Variants in TBC1D32 observed in about 807,000 individuals in gnomAD.
TBC1D32 encodes TBC1 domain family member 32, also known as protein broad-minded.
Under a neutral mutation model 170.3 loss-of-function variants are expected in TBC1D32, and 151 were observed. The ratio of observed to expected loss-of-function variants is 0.89; its 90% CI spans 0.78 to 1.01. The LOEUF (loss-of-function observed/expected upper bound fraction) is 1.01. Ranked by LOEUF, TBC1D32 falls within the 50% of genes least tolerant of loss-of-function variation. The pLI, the probability that TBC1D32 is intolerant of heterozygous loss-of-function variation, is 0.00. For missense variants in TBC1D32, 1,464 were observed against 1,457.1 expected (o/e 1.00, Z -0.08); for synonymous variants, 498 against 488.0 (o/e 1.02, Z -0.27).
At chr6:121,129,670 G>A (rs1049003749) in intron 25 of TBC1D32, among the ~76,000 whole-genome samples, 6 of 152,124 alleles carry the variant, frequency 3.9e-5, no homozygotes, top group Non-Finnish European at 5.9e-5. Context: ...ACTTAAAGTA[G>A]TGGCAGAAGA....
intron 24 of TBC1D32, among the ~76,000 whole-genome samples, chr6:121,153,065 T>C (rs1262838012): frequency 6.6e-6 from 1 of 152,194 alleles, no homozygotes; most frequent in Non-Finnish European, 1.5e-5. Flanking sequence ...TGTAATCCTT[T>C]GCAGGAGAAA....
chr6:121,194,377 A>C (rs1003011575), intron 22 of TBC1D32, among the ~76,000 whole-genome samples: 1 of 152,134 alleles, frequency 6.6e-6, no homozygotes, highest in African/African-American at 2.4e-5. Flanking sequence ...TAAATCAAAA[A>C]CAGTATCACA....
chr6:121,188,589 C>G (rs1185306281), intron 22 of TBC1D32, among the ~76,000 whole-genome samples: 2 of 151,964 alleles, frequency 1.3e-5, no homozygotes, highest in Admixed American at 6.6e-5. Flanking sequence ...ATAGTGTAAG[C>G]GTGTTATTTT....
At chr6:121,203,549 CT>C (rs1418935096) in intron 22 of TBC1D32, among the ~76,000 whole-genome samples, 3 of 151,374 alleles carry the variant, frequency 2.0e-5, no homozygotes, top group Non-Finnish European at 2.9e-5. Flanking sequence ...GCTATTAGAA[CT>C]ATTAATACTA....
intron 24 of TBC1D32, among the ~76,000 whole-genome samples, chr6:121,138,405 T>C (rs1286614739): frequency 6.6e-6 from 1 of 152,186 alleles, no homozygotes; most frequent in Non-Finnish European, 1.5e-5. Flanking sequence ...TAGTAGAAGA[T>C]CTATTTTCTC....
intron 19 of TBC1D32, among the ~76,000 whole-genome samples, chr6:121,239,549 A>T (rs2128357096): frequency 6.6e-6 from 1 of 152,262 alleles, no homozygotes; most frequent in East Asian, 1.9e-4. Context: ...AAAGTAAGGC[A>T]GTCTGAAATC....
At chr6:121,240,571 G>A (rs1796845907) in intron 19 of TBC1D32, among the ~76,000 whole-genome samples, 1 of 151,550 alleles carries the variant, frequency 6.6e-6, no homozygotes, top group African/African-American at 2.4e-5. Flanking sequence ...ATTATATATT[G>A]TTCAGAGCTC....
intron 26 of TBC1D32, among the ~76,000 whole-genome samples, chr6:121,119,958 G>C (rs1582849705): frequency 6.6e-6 from 1 of 151,954 alleles, no homozygotes; most frequent in Non-Finnish European, 1.5e-5. Flanking sequence ...TCCAGTATTT[G>C]TTTTAAAACA....
chr6:121,281,066 T>C (rs1361031887), intron 14 of TBC1D32, among the ~76,000 whole-genome samples: 1 of 151,814 alleles, frequency 6.6e-6, no homozygotes, highest in Admixed American at 6.6e-5. Flanking sequence ...AGGGAATATA[T>C]TGTGCAAACT....
chr6:121,241,240 A>G (rs1796944779), intron 19 of TBC1D32, among the ~76,000 whole-genome samples: 1 of 152,200 alleles, frequency 6.6e-6, no homozygotes, highest in Admixed American at 6.5e-5. Context: ...AGGCAACAGA[A>G]CAAGGTTGTA....
intron 18 of TBC1D32, 143 bp downstream of exon 18, chr6:121,242,058 A>T (rs1797052432): frequency 1.2e-6 from 1 of 806,646 alleles, no homozygotes; most frequent in Admixed American, 3.4e-5. Context: ...TCCTAAAAAA[A>T]AATCAAGTTG....
chr6:121,095,466 T>G (rs1777288889), intron 30 of TBC1D32, among the ~76,000 whole-genome samples: 1 of 152,160 alleles, frequency 6.6e-6, no homozygotes. Flanking sequence ...CTTCCAACAC[T>G]ATGTTGAATA....
chr6:121,188,735 C>T (rs1293300026), intron 22 of TBC1D32, among the ~76,000 whole-genome samples: 1 of 152,044 alleles, frequency 6.6e-6, no homozygotes, highest in Non-Finnish European at 1.5e-5. Context: ...AAAAACCTTC[C>T]CATACTTTTT....
intron 11 of TBC1D32, 42 bp downstream of exon 11, chr6:121,294,528 T>C: frequency 6.9e-7 from 1 of 1,454,742 alleles, no homozygotes; most frequent in Non-Finnish European, 9.4e-7. Context: ...CTAATAAAAT[T>C]TACCATTTTT....
At chr6:121,176,131 A>G (rs1037897971) in intron 22 of TBC1D32, among the ~76,000 whole-genome samples, 1 of 152,226 alleles carries the variant, frequency 6.6e-6, no homozygotes, top group African/African-American at 2.4e-5. Context: ...AATGGATACT[A>G]CTAAAACAAG....
intron 27 of TBC1D32, among the ~76,000 whole-genome samples, chr6:121,114,293 C>A (rs2128199672): frequency 6.6e-6 from 1 of 152,284 alleles, no homozygotes; most frequent in Non-Finnish European, 1.5e-5. Context: ...TGGATGCCAG[C>A]TATATCTTAT....
Position 121,242,291 on chromosome 6 carries a change from GGCAGCAAAAT to G in TBC1D32, c.2057_2066del (p.His686ProfsTer19). 3 of 1,612,374 alleles carry G rather than the reference GGCAGCAAAAT, an allele frequency of 1.9e-6. No homozygotes were observed. The highest frequency in any genetic ancestry group is 2.5e-6 in the Non-Finnish European group (3 of 1,179,108). ...GAAGAAGTAGTAATCCTTTGGGGGT[GGCAGCAAAAT>G]GTAGTAAATCATCTAACAAATTATC... On this transcript the variant is annotated frameshift_variant, in exon 18 of 32. Transcript: ENST00000398212. LOFTEE classifies it high-confidence loss of function.
chr6:121,168,730 A>AAAAAC lies in TBC1D32; in HGVS notation c.2571-7675_2571-7674insGTTTT, dbSNP rs1562742474. Among the ~76,000 whole-genome samples the AAAAAC allele has an allele frequency of 1.5e-3, 218 of 144,032 alleles. 1 individual carries two copies. The highest frequency in any genetic ancestry group is 5.5e-3 in the African/African-American group (211 of 38,378). 94.5% of individuals were successfully genotyped at this position (144,032 alleles called of 152,430 possible). A position where few individuals can be genotyped will look rare whatever the true frequency, so the allele number is the denominator to read the frequency against. On this transcript the variant is annotated intron_variant, in intron 22 of 31. Coordinates refer to ENST00000398212, the MANE Select transcript of TBC1D32 (RefSeq NM_152730.6). ...AGTATAATAAAAAAAAAAAAAAAAA[A>AAAAAC]AAAATCAACATGCAAAAATCGCTTG...
intron 4 of TBC1D32, 90 bp downstream of exon 4, chr6:121,310,689 G>C: frequency 1.2e-6 from 1 of 851,648 alleles, no homozygotes. Context: ...TTAGCCTCAA[G>C]GGAAACAACC....
Sources: allele counts gnomAD v4.1 joint callset (sites outside exome capture counted in the v4.1 genomes callset), GRCh38; gene constraint gnomAD v4.1.1; transcripts MANE v1.5; gene names NCBI Gene and HGNC (gene_info 2026-07-23, HGNC 2026-07-21).